Variants in PGK1 observed in about 807,000 individuals in gnomAD.
PGK1 encodes the protein phosphoglycerate kinase 1.
PGK1 carries 3 observed loss-of-function variants against 26.9 expected under a neutral mutation model. That is an observed-to-expected ratio of 0.11 (90% confidence interval 0.05 to 0.29). The LOEUF (loss-of-function observed/expected upper bound fraction) is 0.29. Ranked by LOEUF, PGK1 falls within the 10% of genes least tolerant of loss-of-function variation. The probability of loss-of-function intolerance (pLI) is 1.00; values close to 1 mark genes in which losing one functional copy is unlikely to be tolerated. For missense variants in PGK1, 270 were observed against 314.7 expected, an observed-to-expected ratio of 0.86 and a Z score of 1.07; for synonymous variants, 125 against 115.3, an observed-to-expected ratio of 1.08 and a Z score of -0.54.
chrX:78,116,893 C>A (rs1034770795), intron 4 of PGK1, among the ~76,000 whole-genome samples: 22 of 111,615 alleles, frequency 2.0e-4, no homozygotes, highest in African/African-American at 6.2e-4. Context: ...GAGCCCCTTG[C>A]ACTTCGCAGA....
In PGK1 at chrX:78,125,972, G is replaced by C; in HGVS notation, c.*142G>C. 1 of 560,280 alleles carries C rather than the reference G, an allele frequency of 1.8e-6. No homozygotes were observed. Among genetic ancestry groups the C allele is most frequent in the Non-Finnish European group, 3.2e-6 (1 of 312,898 alleles). 46.2% of individuals were successfully genotyped at this position (560,280 alleles called of 1,213,427 possible). A position where few individuals can be genotyped will look rare whatever the true frequency, so the allele number is the denominator to read the frequency against. ...ATGCAGTGCCAGGAACCCTTAAACA[G>C]TTGCACAGCATCTCAGCTCATCTTC... On this transcript the variant is annotated 3_prime_UTR_variant, in exon 11 of 11. Coordinates refer to ENST00000373316, the MANE Select transcript of PGK1 (RefSeq NM_000291.4).
At chrX:78,115,953 A>G (rs1284202991) in intron 4 of PGK1, among the ~76,000 whole-genome samples, 2 of 110,289 alleles carry the variant, frequency 1.8e-5, no homozygotes, top group East Asian at 2.8e-4. Context: ...GGCTGAAGTG[A>G]TCCTCCTGCC....
At position 78,123,181 on chromosome X, in the gene PGK1, G is replaced by C. The variant is rs200296998; in HGVS notation, c.757-14G>C. 1.7e-6 allele frequency: 2 copies of C among 1,191,085 alleles called. No individual in the cohort carries two copies. The highest frequency in any genetic ancestry group is 2.3e-6 in the Non-Finnish European group (2 of 878,013). ...ATAGATGCTGACCTCCATCATTTTG[G>C]CTCCCCTGTGTAGATTGGCACTTCT... is the stretch of plus-strand genomic sequence containing the variant. On this transcript the variant is annotated splice_polypyrimidine_tract_variant and intron_variant, in intron 7 of 10. Transcript: ENST00000373316.
At chrX:78,115,570 C>T (rs1337648157) in intron 4 of PGK1, among the ~76,000 whole-genome samples, 1 of 111,549 alleles carries the variant, frequency 9.0e-6, no homozygotes, top group Non-Finnish European at 1.9e-5. Context: ...AGGAGAATTG[C>T]TTGAACCCAG....
chrX:78,104,666 C>T (rs377712436), intron 1 of PGK1, among the ~76,000 whole-genome samples: 1 of 111,359 alleles, frequency 9.0e-6, no homozygotes, highest in East Asian at 2.8e-4. Context: ...CCCATTTTGT[C>T]CTTTTTCCTA....
At chrX:78,106,565 TA>T in intron 1 of PGK1, 1 of 752,435 alleles carries the variant, frequency 1.3e-6, no homozygotes, top group Non-Finnish European at 1.6e-6. Flanking sequence ...GCTTCCTGAG[TA>T]GTGGCTGCCT....
At chrX:78,105,622 AG>A (rs1251402954) in intron 1 of PGK1, among the ~76,000 whole-genome samples, 1 of 111,825 alleles carries the variant, frequency 8.9e-6, no homozygotes, top group Non-Finnish European at 1.9e-5. Flanking sequence ...CGTTTGAGTT[AG>A]GGAACTGTAT....
chrX:78,104,772 T>G (rs2078261359), intron 1 of PGK1, among the ~76,000 whole-genome samples: 1 of 112,023 alleles, frequency 8.9e-6, no homozygotes, highest in Admixed American at 9.4e-5. Context: ...GAAGGGACCT[T>G]GAAAGGTCAT....
intron 1 of PGK1, among the ~76,000 whole-genome samples, chrX:78,107,981 A>G (rs1177507702): frequency 9.0e-6 from 1 of 111,146 alleles, no homozygotes; most frequent in Non-Finnish European, 1.9e-5. Context: ...AAAAAAGAAA[A>G]TTGTGCATAT....
rs1018992698 is a variant in PGK1, at chrX:78,127,041, C to A, written c.*1211C>A. The A allele has an allele frequency of 8.9e-6, 1 of 112,646 alleles. No homozygotes were observed. The highest frequency in any genetic ancestry group is 3.2e-5 in the African/African-American group (1 of 31,011). 9.3% of individuals were successfully genotyped at this position (112,646 alleles called of 1,213,427 possible). A position where few individuals can be genotyped will look rare whatever the true frequency, so the allele number is the denominator to read the frequency against. On this transcript the variant is annotated 3_prime_UTR_variant, in exon 11 of 11. Coordinates refer to ENST00000373316, the MANE Select transcript of PGK1 (RefSeq NM_000291.4). ...AGGCAGGGTGTACAGCTAGCTGTTG[C>A]TCTGGTATTTCCTATAACCTTCTTG...
At chrX:78,106,081 A>G (rs2078271242) in intron 1 of PGK1, among the ~76,000 whole-genome samples, 1 of 111,892 alleles carries the variant, frequency 8.9e-6, no homozygotes, top group Admixed American at 9.5e-5. Context: ...CTCTCTAGGG[A>G]AACTGGCTTG....
At chrX:78,120,990 T>C (rs375459270) in intron 6 of PGK1, among the ~76,000 whole-genome samples, 10 of 112,535 alleles carry the variant, frequency 8.9e-5, no homozygotes, top group African/African-American at 3.2e-4. Context: ...TCCAATGATA[T>C]TTCCTTTGAG....
intron 6 of PGK1, 102 bp downstream of exon 6, chrX:78,118,272 C>T (rs781980756): frequency 3.4e-5 from 30 of 893,084 alleles, no homozygotes; most frequent in Non-Finnish European, 4.1e-5. Context: ...CACTGGGTAA[C>T]TGAGGAGAAT....
At chrX:78,114,556 C>T (rs2149132482) in intron 4 of PGK1, among the ~76,000 whole-genome samples, 1 of 101,019 alleles carries the variant, frequency 9.9e-6, no homozygotes, top group African/African-American at 3.9e-5. Context: ...CAGGTATCGA[C>T]TTATTTCATA....
chrX:78,107,186 C>A (rs1490405083), intron 1 of PGK1, among the ~76,000 whole-genome samples: 1 of 111,271 alleles, frequency 9.0e-6, no homozygotes, highest in Non-Finnish European at 1.9e-5. Flanking sequence ...TTAGAGAGGT[C>A]TTGTGTTCAA....
intron 3 of PGK1, 22 bp downstream of exon 3, chrX:78,113,921 T>A (rs782622195): frequency 3.0e-5 from 36 of 1,208,339 alleles, no homozygotes; most frequent in Non-Finnish European, 3.6e-5. Flanking sequence ...GCTCTGGTGC[T>A]GGTAGACTTT....
At position 78,124,729 on chromosome X, in the gene PGK1, C is replaced by T. The variant is rs1388789226; in HGVS notation, c.937-145C>T. 7.6e-6 allele frequency: 4 copies of T among 523,355 alleles called. No homozygotes were observed. The African/African-American group carries it at 9.1e-5, about 12-fold the overall frequency. The allele number at this position is 523,355 out of a possible 1,213,427, so 43.1% of individuals were successfully genotyped here. On this transcript the variant is annotated intron_variant, in intron 8 of 10. Coordinates refer to ENST00000373316, the MANE Select transcript of PGK1 (RefSeq NM_000291.4). ...CAGTAGAATTTTTGAGTATAAAGGGCATGAACAGGTTTATAAAGACTGAAG... is the reference window on the plus strand; with the variant it reads ...CAGTAGAATTTTTGAGTATAAAGGGTATGAACAGGTTTATAAAGACTGAAG...
chrX:78,125,708 T>A (rs2078380047), intron 10 of PGK1, 82 bp from the exon 11 acceptor site: 1 of 840,766 alleles, frequency 1.2e-6, no homozygotes, highest in Admixed American at 2.2e-5. Flanking sequence ...TGGCATGTTA[T>A]TGGGAAGATA....
rs1235534569 is a variant in PGK1, at chrX:78,124,774, A to G, written c.937-100A>G. The G allele has an allele frequency of 4.4e-6, 3 of 681,072 alleles. No individual in the cohort carries two copies. The East Asian group carries it at 9.6e-5, about 22-fold the overall frequency. The allele number at this position is 681,072 out of a possible 1,213,427, so 56.1% of individuals were successfully genotyped here. A position where few individuals can be genotyped will look rare whatever the true frequency, so the allele number is the denominator to read the frequency against. ...CTGAAGGGTACTATTTGTTTCTAGAAGAAACTTTGGTGTGCAGCCCTGAGT... is the reference window on the plus strand; with the variant it reads ...CTGAAGGGTACTATTTGTTTCTAGAGGAAACTTTGGTGTGCAGCCCTGAGT... On this transcript the variant is annotated intron_variant, in intron 8 of 10. Coordinates refer to ENST00000373316, the MANE Select transcript of PGK1 (RefSeq NM_000291.4).
Sources: gnomAD v4.1 joint callset for allele counts (sites outside exome capture counted in the v4.1 genomes callset) on GRCh38, gnomAD v4.1.1 for gene constraint, MANE v1.5 for transcripts, NCBI Gene and HGNC (gene_info 2026-07-23, HGNC 2026-07-21) for gene names.